The following CLCN2 variants were observed in gnomAD, a reference collection of about 807,000 sequenced individuals.
CLCN2 encodes the protein chloride channel protein 2.
A neutral mutation model predicts 108.3 loss-of-function variants in CLCN2; 72 were observed. That is an observed-to-expected ratio of 0.66 (90% CI 0.55 to 0.81). CLCN2 has a LOEUF of 0.81. CLCN2 is among the 30% of genes least tolerant of loss of function. The pLI, the probability that CLCN2 is intolerant of heterozygous loss-of-function variation, is 0.00. For missense variants in CLCN2, 1,048 were observed against 1,205.2 expected, an observed-to-expected ratio of 0.87 and a Z score of 1.93; for synonymous variants, 471 against 467.1, an observed-to-expected ratio of 1.01 and a Z score of -0.11.
At chr3:184,359,912 G>A (rs1055144578) in intron 1 of CLCN2, among the ~76,000 whole-genome samples, 2 of 151,626 alleles carry the variant, frequency 1.3e-5, no homozygotes, top group African/African-American at 2.4e-5. Flanking sequence ...CGTGTGTTGG[G>A]GGGCGGGGAG....
At chr3:184,348,827 A>G (rs16858720) in intron 22 of CLCN2, 21,445 of 152,198 alleles carry the variant, frequency 0.14, 2,031 homozygotes, top group East Asian at 0.33. Flanking sequence ...TGCCCCTGAC[A>G]GTCACCAAGC....
intron 14 of CLCN2, 81 bp downstream of exon 14, chr3:184,354,466 AG>A (rs1728375319): frequency 5.3e-6 from 6 of 1,134,428 alleles, no homozygotes; most frequent in South Asian, 2.5e-5. Flanking sequence ...TTCTGCCAGC[AG>A]GGGGCACCAG....
intron 22 of CLCN2, among the ~76,000 whole-genome samples, chr3:184,350,515 A>G (rs1414801157): frequency 6.6e-6 from 1 of 151,920 alleles, no homozygotes; most frequent in African/African-American, 2.4e-5. Context: ...GGCTCACTGC[A>G]ACGTCCACCT....
At chr3:184,350,662 G>A (rs977678734) in intron 22 of CLCN2, among the ~76,000 whole-genome samples, 1 of 151,996 alleles carries the variant, frequency 6.6e-6, no homozygotes, top group Non-Finnish European at 1.5e-5. Context: ...GTCTCGAACT[G>A]CTGACCTCAA....
Position 184,354,929 on chromosome 3 carries a change from C to T in CLCN2, c.1371G>A (p.Gly457=), listed in dbSNP as rs774951957. Residue 457 remains glycine, a synonymous_variant, in exon 13 of 24, where the codon GGG becomes GGA. Transcript: ENST00000265593. ...CAATGACAAAGACAGGCATGAAGGC[C>T]CCACAGGGAACTGGGATGGTGGTGG... ...ALATTIPVPC[G]AFMPVFVIGA... is the part of the protein sequence containing the mutation. The T allele has an allele frequency of 2.5e-6, 4 of 1,613,844 alleles. No homozygotes were observed. The highest frequency in any genetic ancestry group is 2.2e-5 in the South Asian group (2 of 91,092).
Position 184,349,505 on chromosome 3 carries a change from C to T in CLCN2, c.2416-2484G>A, listed in dbSNP as rs539352916. ...CAGGTTGGACTTGAACTCCTGGGCT[C>T]GTGCAGTCCTCCCACCTCAGCCTCC... On this transcript the variant is annotated intron_variant, in intron 22 of 23. Coordinates refer to ENST00000265593, the MANE Select transcript of CLCN2 (RefSeq NM_004366.6). The T allele has an allele frequency of 5.9e-5, 9 of 152,354 alleles. No homozygotes were observed. The South Asian group carries it at 6.2e-4, about 11-fold the overall frequency. 9.4% of individuals were successfully genotyped at this position (152,354 alleles called of 1,614,324 possible). A position where few individuals can be genotyped will look rare whatever the true frequency, so the allele number is the denominator to read the frequency against.
chr3:184,355,057 C>A lies in CLCN2; in HGVS notation c.1327-84G>T. On this transcript the variant is annotated intron_variant, in intron 12 of 23. Transcript: ENST00000265593. This position sits in a 1 kb window ranked among gnomAD's most constrained non-coding sequence, Gnocchi z 6.3. ...AGCGCCACCCAGGAGAAGTCTACCT[C>A]GCTGATCAGGTGGGCGTAACCCTCC... 7.5e-7 allele frequency: 1 copy of A among 1,330,650 alleles called. No individual in the cohort carries two copies. The highest frequency in any genetic ancestry group is 1.1e-6 in the Non-Finnish European group (1 of 926,590). The allele number at this position is 1,330,650 out of a possible 1,614,324, so 82.4% of individuals were successfully genotyped here.
rs765248618 is a variant in CLCN2, at chr3:184,353,716, G to A, written c.1801C>T (p.Arg601Cys). ...VALSCTFRDL[R>C]LALHRTKGRM... ...CCCTTGGTCCTGTGCAGTGCCAAAC[G>A]CAGGTCCCGGAAGGTGCAGCTGAGG... Residue 601 changes from arginine to cysteine, a missense_variant, in exon 16 of 24, where the codon CGT becomes TGT. Transcript: ENST00000265593. 8 of 1,610,006 alleles carry A rather than the reference G, an allele frequency of 5.0e-6. No individual in the cohort carries two copies. Among genetic ancestry groups the A allele is most frequent in the African/African-American group, 1.3e-5 (1 of 74,890 alleles).
At chr3:184,356,639 CAAAAAAAAA>C (rs555983047) in intron 10 of CLCN2, 1 of 114,726 alleles carries the variant, frequency 8.7e-6, no homozygotes, top group Admixed American at 1.1e-4. Flanking sequence ...AACTCCGTCT[CAAAAAAAAA>C]AAAAAAAAAG....
intron 6 of CLCN2, 39 bp from the exon 7 acceptor site, chr3:184,357,737 T>G: frequency 6.2e-7 from 1 of 1,613,806 alleles, no homozygotes; most frequent in Non-Finnish European, 8.5e-7. Flanking sequence ...AGCTGTGGGC[T>G]CAGCAGCCTC....
At chr3:184,356,787 C>T (rs1322426044) in intron 10 of CLCN2, 1 of 597,204 alleles carries the variant, frequency 1.7e-6, no homozygotes. Context: ...ATGTCCTCTA[C>T]CGCTGACTAT....
chr3:184,354,842 T>TGG, intron 13 of CLCN2, 62 bp downstream of exon 13: 1 of 1,556,696 alleles, frequency 6.4e-7, no homozygotes, highest in Non-Finnish European at 8.9e-7. Flanking sequence ...GAGGGTTGGC[T>TGG]GGGGGGGTGG....
Position 184,361,433 on chromosome 3 carries a change from T to C in CLCN2, c.47A>G (p.Gln16Arg), listed in dbSNP as rs1712100325. Reference protein sequence around the residue: ...AEEGMEPRALQYEQTLMYGRY... With the variant: ...AEEGMEPRALRYEQTLMYGRY... ...TTCACTTACCAGGGTCTGCTCGTAC[T>C]GCAGCGCCCGTGGCTCCATCCCTTC... is the stretch of plus-strand genomic sequence containing the variant. The change falls in exon 1 of 24, where the codon CAG (glutamine) becomes CGG (arginine). Residue 16 changes from glutamine (Q) to arginine (R), a missense_variant. Gln to Arg is a conservative substitution (Grantham distance 43). Coordinates refer to ENST00000265593, the MANE Select transcript of CLCN2 (RefSeq NM_004366.6). This position sits in a 1 kb window ranked among gnomAD's most constrained non-coding sequence, Gnocchi z 6.6. The C allele has an allele frequency of 1.2e-6, 2 of 1,613,536 alleles. No homozygotes were observed. Among genetic ancestry groups the C allele is most frequent in the South Asian group, 1.1e-5 (1 of 91,090 alleles).
In CLCN2 at chr3:184,361,463, G is replaced by A. The variant is rs772579424; in HGVS notation, c.17C>T (p.Ala6Val). 18 of 1,612,166 alleles carry A rather than the reference G, an allele frequency of 1.1e-5. No homozygotes were observed. In the African/African-American group the frequency reaches 2.3e-4, roughly 20 times the overall value. The change falls in exon 1 of 24, where the codon GCG becomes GTG. Residue 6 changes from alanine (A) to valine (V), a missense_variant. Ala to Val is a moderately conservative substitution (Grantham distance 64, BLOSUM62 0). Transcript: ENST00000265593. The surrounding 1 kb of genome is among the most constrained non-coding windows in gnomAD (Gnocchi z 6.6). Reference sequence around the variant, plus strand: ...CGCCCGTGGCTCCATCCCTTCCTCCGCCGCCGCGGCCGCCATCTCCGCGCA... The same window carrying A: ...CGCCCGTGGCTCCATCCCTTCCTCCACCGCCGCGGCCGCCATCTCCGCGCA... MAAAA[A>V]EEGMEPRALQ...
rs1467646935 is a variant in CLCN2 at position 184,352,501 on chromosome 3, A to G, written c.2218-5T>C. On this transcript the variant is annotated splice_region_variant and splice_polypyrimidine_tract_variant and intron_variant, in intron 19 of 23. Coordinates refer to ENST00000265593, the MANE Select transcript of CLCN2 (RefSeq NM_004366.6). ...CTTCTCACAGGATTCCAACTTCTTC[A>G]GTTTTGTTAGAGCCAAACCAGAAAG... 7 of 1,612,680 alleles carry G rather than the reference A, an allele frequency of 4.3e-6. 1 individual carries two copies. The South Asian group carries it at 6.6e-5, about 15-fold the overall frequency.
In CLCN2 at chr3:184,358,011, A is replaced by C; in HGVS notation, c.566T>G (p.Val189Gly). 6.2e-7 allele frequency: 1 copy of C among 1,613,988 alleles called. No individual in the cohort carries two copies. The highest frequency in any genetic ancestry group is 8.5e-7 in the Non-Finnish European group (1 of 1,180,032). ...GCCTAGGGCGCAGGTCAGCCCAATG[A>C]CCTTAGCTATAAAGGTCTTGAGTGT... ...YLTLKTFIAK[V>G]IGLTCALGSG... The change falls in exon 5 of 24, where the codon GTC becomes GGC. Residue 189 changes from valine to glycine, a missense_variant. Val to Gly is a moderately radical substitution (Grantham distance 109). Coordinates refer to ENST00000265593, the MANE Select transcript of CLCN2 (RefSeq NM_004366.6).
chr3:184,354,455 T>C (rs1306485609), intron 14 of CLCN2, 93 bp downstream of exon 14: 2 of 1,349,800 alleles, frequency 1.5e-6, no homozygotes, highest in African/African-American at 2.9e-5. Context: ...GGAAGCCTGG[T>C]TTCTGCCAGC....
At position 184,354,165 on chromosome 3, in the gene CLCN2, AGAG is replaced by A; in HGVS notation, c.1654_1656del (p.Leu552del). On this transcript the variant is annotated inframe_deletion, in exon 15 of 24. Transcript: ENST00000265593. Reference sequence around the variant, plus strand: ...TTCTTGATTCGGATGATGCTGTCATAGAGGGAGGGCTGCAGACTCTGGGCGACA... The same window carrying A: ...TTCTTGATTCGGATGATGCTGTCATAGGAGGGCTGCAGACTCTGGGCGACA... 1 of 1,613,216 alleles carries A rather than the reference AGAG, an allele frequency of 6.2e-7. No homozygotes were observed. Among genetic ancestry groups the A allele is most frequent in the African/African-American group, 1.3e-5 (1 of 74,808 alleles).
In CLCN2 at chr3:184,359,034, G is replaced by A; in HGVS notation, c.161C>T (p.Ser54Phe). The change falls in exon 2 of 24, where the codon TCC (serine) becomes TTC (phenylalanine). Residue 54 changes from serine (S) to phenylalanine (F), a missense_variant. Transcript: ENST00000265593. ...CAAGAGCTCTGGGGCAGCCCGAGAG[G>A]AAGGGGGACCTTTCCAGGGTTCAGG... is the stretch of plus-strand genomic sequence containing the variant. ...GGPEPWKGPPSSRAAPELLEY... is the reference protein window; with the variant it reads ...GGPEPWKGPPFSRAAPELLEY... 1 of 1,613,664 alleles carries A rather than the reference G, an allele frequency of 6.2e-7. No individual in the cohort carries two copies. Among genetic ancestry groups the A allele is most frequent in the Non-Finnish European group, 8.5e-7 (1 of 1,180,048 alleles).
Sources: allele counts gnomAD v4.1 joint callset (sites outside exome capture counted in the v4.1 genomes callset), GRCh38; gene constraint gnomAD v4.1.1; non-coding constraint Gnocchi (gnomAD v3.1); transcripts MANE v1.5; gene names NCBI Gene and HGNC (gene_info 2026-07-23, HGNC 2026-07-21).